Variants in ANKS1B observed in about 807,000 individuals in gnomAD.
The protein encoded by ANKS1B is ankyrin repeat and sterile alpha motif domain containing 1B.
Under a neutral mutation model 148.3 loss-of-function variants are expected in ANKS1B, and 36 were observed. The observed-to-expected ratio is 0.24, with a 90% confidence interval of 0.19 to 0.32. The LOEUF is 0.32. Among genes scored for constraint, ANKS1B ranks in the 10% least tolerant of loss-of-function variants. The pLI, the probability that ANKS1B is intolerant of heterozygous loss-of-function variation, is 1.00. For missense variants in ANKS1B, 1,157 were observed against 1,542.6 expected (o/e 0.75, Z 4.19); for synonymous variants, 542 against 560.8 (o/e 0.97, Z 0.47).
chr12:98,795,598 G>A (rs1566600655), intron 22 of ANKS1B: 1 of 444,258 alleles, frequency 2.3e-6, no homozygotes, highest in Non-Finnish European at 4.5e-6. Context: ...AAAAGCTCCT[G>A]TTTTTGGAAA....
intron 14 of ANKS1B, among the ~76,000 whole-genome samples, chr12:99,180,287 T>C (rs1487032283): frequency 6.6e-6 from 1 of 152,220 alleles, no homozygotes; most frequent in African/African-American, 2.4e-5. Flanking sequence ...ATACATTGCA[T>C]ATTTTTCACA....
chr12:99,021,638 A>G (rs1356192304), intron 17 of ANKS1B, among the ~76,000 whole-genome samples: 2 of 152,192 alleles, frequency 1.3e-5, no homozygotes, highest in African/African-American at 4.8e-5. Flanking sequence ...AATGAGGAAA[A>G]CAAAATTGCC....
downstream of ANKS1B, among the ~76,000 whole-genome samples, chr12:98,740,771 A>T (rs1419729154): frequency 6.6e-6 from 1 of 152,136 alleles, no homozygotes; most frequent in African/African-American, 2.4e-5. Context: ...ATCCTCCTAC[A>T]TAGGGGTGGC....
At chr12:99,017,876 G>C (rs1309616249) in intron 17 of ANKS1B, among the ~76,000 whole-genome samples, 1 of 152,164 alleles carries the variant, frequency 6.6e-6, no homozygotes, top group Non-Finnish European at 1.5e-5. Context: ...GGCGGGATGG[G>C]AGGTTGAACT....
At chr12:99,063,168 G>A (rs952712671) in intron 16 of ANKS1B, among the ~76,000 whole-genome samples, 32 of 152,174 alleles carry the variant, frequency 2.1e-4, no homozygotes, top group African/African-American at 6.0e-4. Context: ...GCCGTGGACC[G>A]TGGCTTCTCT....
chr12:98,757,969 G>A (rs1485110286), intron 25 of ANKS1B, among the ~76,000 whole-genome samples: 1 of 110,436 alleles, frequency 9.1e-6, no homozygotes, highest in Admixed American at 8.1e-5. Context: ...CACACGGGGT[G>A]CAGGTGTGAG....
chr12:99,174,128 A>G (rs1240305954), intron 14 of ANKS1B, among the ~76,000 whole-genome samples: 1 of 152,194 alleles, frequency 6.6e-6, no homozygotes, highest in East Asian at 1.9e-4. Flanking sequence ...GCAAGATTCT[A>G]TGTTGAGGCC....
At chr12:99,446,865 T>G (rs1023289233) in intron 10 of ANKS1B, among the ~76,000 whole-genome samples, 73 of 152,162 alleles carry the variant, frequency 4.8e-4, no homozygotes, top group African/African-American at 1.7e-3. Context: ...ATTTGGAAGC[T>G]GGAAGATATG....
chr12:99,696,528 T>G (rs1567663562), intron 8 of ANKS1B, among the ~76,000 whole-genome samples: 2 of 147,712 alleles, frequency 1.4e-5, no homozygotes, highest in African/African-American at 4.9e-5. Flanking sequence ...CATCCACATG[T>G]AAAAAAAAAA....
chr12:98,867,803 A>C (rs934218561), intron 17 of ANKS1B, among the ~76,000 whole-genome samples: 2 of 151,694 alleles, frequency 1.3e-5, no homozygotes, highest in African/African-American at 4.8e-5. Context: ...AGGAGCTTGC[A>C]GTGAGCCGAG....
chr12:99,426,304 T>C (rs917165016), intron 11 of ANKS1B, among the ~76,000 whole-genome samples: 8 of 152,176 alleles, frequency 5.3e-5, no homozygotes, highest in Admixed American at 2.0e-4. Context: ...TATGTAGATA[T>C]CCGTTTGTGT....
intron 9 of ANKS1B, among the ~76,000 whole-genome samples, chr12:99,540,229 C>T (rs1826149765): frequency 1.3e-5 from 2 of 152,250 alleles, no homozygotes; most frequent in Non-Finnish European, 2.9e-5. Context: ...ACTTCAATAT[C>T]ACATTTTCAA....
intron 1 of ANKS1B, among the ~76,000 whole-genome samples, chr12:99,917,999 G>C (rs1041931962): frequency 6.6e-6 from 1 of 152,204 alleles, no homozygotes; most frequent in African/African-American, 2.4e-5. Flanking sequence ...GCATGCAAGG[G>C]CTCTAGGTTG....
At chr12:99,696,570 T>C (rs2053957844) in intron 8 of ANKS1B, among the ~76,000 whole-genome samples, 1 of 152,048 alleles carries the variant, frequency 6.6e-6, no homozygotes, top group African/African-American at 2.4e-5. Context: ...TTTCACAAAT[T>C]AATTCAAAAT....
At chr12:99,747,646 A>G (rs1382366693) in intron 8 of ANKS1B, among the ~76,000 whole-genome samples, 1 of 152,042 alleles carries the variant, frequency 6.6e-6, no homozygotes, top group East Asian at 1.9e-4. Flanking sequence ...CTCTTCTCCT[A>G]TACATCAGTC....
chr12:99,665,710 T>TCTCCTGACCTTGTGATCCGCCCGC (rs2098503192), intron 8 of ANKS1B, among the ~76,000 whole-genome samples: 2 of 152,154 alleles, frequency 1.3e-5, no homozygotes, highest in African/African-American at 4.8e-5. Flanking sequence ...ATGGTCTCGA[T>TCTCCTGACCTTGTGATCCGCCCGC]CTCCTGACCT....
At chr12:99,812,085 C>T in intron 3 of ANKS1B, 70 bp downstream of exon 3, 1 of 1,505,110 alleles carries the variant, frequency 6.6e-7, no homozygotes. Context: ...AAAAAAATCA[C>T]ATTTTCAATA....
chr12:98,844,140 G>C (rs577186983), intron 17 of ANKS1B, among the ~76,000 whole-genome samples: 1 of 152,276 alleles, frequency 6.6e-6, no homozygotes, highest in African/African-American at 2.4e-5. Context: ...GATGACCTGA[G>C]TGTGAGTGTT....
intron 9 of ANKS1B, 144 bp from the exon 10 acceptor site, chr12:99,504,785 G>A (rs142946908): frequency 3.8e-5 from 24 of 625,768 alleles, no homozygotes; most frequent in Non-Finnish European, 6.0e-5. Flanking sequence ...ATAAATTATA[G>A]AATCATGTAA....
Sources: gnomAD v4.1 joint callset for allele counts (sites outside exome capture counted in the v4.1 genomes callset) on GRCh38, gnomAD v4.1.1 for gene constraint, MANE v1.5 for transcripts, NCBI Gene and HGNC (gene_info 2026-07-23, HGNC 2026-07-21) for gene names.